CTPS1: variants seen among roughly 807,000 people sequenced by gnomAD.
The protein encoded by CTPS1 is CTP synthetase 1.
Under a neutral mutation model 80.5 loss-of-function variants are expected in CTPS1, and 25 were observed. The ratio of observed to expected loss-of-function variants is 0.31; its 90% CI spans 0.23 to 0.43. The LOEUF (loss-of-function observed/expected upper bound fraction) is 0.43. Among genes scored for constraint, CTPS1 ranks in the 20% least tolerant of loss-of-function variants. The pLI is 1.00. For missense variants in CTPS1, 442 were observed against 725.7 expected (o/e 0.61, Z 4.49); for synonymous variants, 267 against 252.5 (o/e 1.06, Z -0.54).
At chr1:40,997,053 A>C (rs1394366287) in intron 8 of CTPS1, 1 of 174,518 alleles carries the variant, frequency 5.7e-6, no homozygotes, top group Non-Finnish European at 1.2e-5. Context: ...TCTGAAAATT[A>C]CTTCCTCTTT....
intron 12 of CTPS1, among the ~76,000 whole-genome samples, chr1:41,004,663 C>T (rs1348094248): frequency 1.3e-5 from 2 of 152,088 alleles, no homozygotes; most frequent in Non-Finnish European, 2.9e-5. Flanking sequence ...TTTGGTTAGA[C>T]GGTAAGTTCA....
At chr1:40,999,647 T>C (rs993451705) in intron 9 of CTPS1, among the ~76,000 whole-genome samples, 1 of 152,192 alleles carries the variant, frequency 6.6e-6, no homozygotes, top group African/African-American at 2.4e-5. Flanking sequence ...TAGTTTCTTA[T>C]CAAGGTAGAG....
chr1:41,001,450 A>G (rs1360896692), intron 10 of CTPS1: 2 of 271,212 alleles, frequency 7.4e-6, no homozygotes, highest in Non-Finnish European at 1.4e-5. Flanking sequence ...ATAGTAAAAC[A>G]TTAGCAAGAA....
At chr1:41,004,745 G>A (rs1038363818) in intron 12 of CTPS1, among the ~76,000 whole-genome samples, 3 of 152,134 alleles carry the variant, frequency 2.0e-5, no homozygotes, top group Non-Finnish European at 4.4e-5. Flanking sequence ...AGTTGAGTAG[G>A]GCTTTGTATT....
chr1:41,000,930 A>G (rs932278804), intron 9 of CTPS1, 99 bp from the exon 10 acceptor site: 12 of 698,828 alleles, frequency 1.7e-5, no homozygotes, highest in Non-Finnish European at 1.6e-5. Flanking sequence ...CAGAATCAAG[A>G]AAGACAACTT....
At chr1:40,993,815 G>T (rs1642681442) in intron 7 of CTPS1, among the ~76,000 whole-genome samples, 1 of 91,600 alleles carries the variant, frequency 1.1e-5, no homozygotes, top group Admixed American at 1.8e-4. Context: ...GTCTTGATCT[G>T]TTGCTCAGAC....
chr1:41,003,509 A>G lies in CTPS1; in HGVS notation c.1252+333A>G, dbSNP rs141098657. The stretch of plus-strand genomic sequence containing the variant: ...CCTAAGTGAGGCTTGGGCAGTTATT[A>G]TGAGAACCTGGGCTCTGGAGCTATT... On this transcript the variant is annotated intron_variant, in intron 12 of 18. Coordinates refer to ENST00000650070, the MANE Select transcript of CTPS1 (RefSeq NM_001905.4). 2.0e-5 allele frequency among the ~76,000 whole-genome samples: 3 copies of G among 152,302 alleles called. No homozygotes were observed. The East Asian group carries it at 5.8e-4, about 29-fold the overall frequency.
In CTPS1 at chr1:40,991,824, C is replaced by T. The variant is rs1642618115; in HGVS notation, c.699C>T (p.Phe233=). Residue 233 remains phenylalanine, a synonymous_variant, in exon 7 of 19, where the codon TTC becomes TTT. Coordinates refer to ENST00000650070, the MANE Select transcript of CTPS1 (RefSeq NM_001905.4). ...CAGTGAAGGAGAAAATATCAATGTT[C>T]TGCCATGTTGAGCCTGAACAAGTGA... ...DTSVKEKISM[F]CHVEPEQVIC... The T allele has an allele frequency of 1.9e-6, 3 of 1,613,812 alleles. No homozygotes were observed. The highest frequency in any genetic ancestry group is 4.5e-5 in the East Asian group (2 of 44,888).
chr1:40,983,282 A>T lies in CTPS1; in HGVS notation c.-9A>T. On this transcript the variant is annotated 5_prime_UTR_variant, in exon 2 of 19. Transcript: ENST00000650070. Reference sequence around the variant, plus strand: ...TGTAATTTTTCCTTCTTCCAGGTCAAAGAGTAAAATGAAGTACATTCTGGT... The same window carrying T: ...TGTAATTTTTCCTTCTTCCAGGTCATAGAGTAAAATGAAGTACATTCTGGT... The T allele has an allele frequency of 6.2e-7, 1 of 1,610,522 alleles. No homozygotes were observed. The highest frequency in any genetic ancestry group is 8.5e-7 in the Non-Finnish European group (1 of 1,177,892).
intron 5 of CTPS1, among the ~76,000 whole-genome samples, chr1:40,989,922 G>C (rs1232889865): frequency 6.6e-6 from 1 of 152,144 alleles, no homozygotes; most frequent in Non-Finnish European, 1.5e-5. Flanking sequence ...CCAAGAGATA[G>C]AAAATAGGAG....
At chr1:40,990,141 G>A (rs1178693579) in intron 5 of CTPS1, among the ~76,000 whole-genome samples, 1 of 152,168 alleles carries the variant, frequency 6.6e-6, no homozygotes, top group Non-Finnish European at 1.5e-5. Context: ...TGCTGTCTGT[G>A]GCTGCTTTTG....
intron 9 of CTPS1, among the ~76,000 whole-genome samples, chr1:40,997,928 A>T (rs1392559926): frequency 6.6e-6 from 1 of 152,114 alleles, no homozygotes; most frequent in Non-Finnish European, 1.5e-5. Flanking sequence ...GCAGAGTGGG[A>T]ATGACAGTAT....
At chr1:40,990,253 C>T (rs1310283732) in intron 5 of CTPS1, among the ~76,000 whole-genome samples, 2 of 152,166 alleles carry the variant, frequency 1.3e-5, no homozygotes, top group African/African-American at 4.8e-5. Flanking sequence ...TTTCTGACCC[C>T]TTATCTGAAC....
rs116353491 is a variant in CTPS1 at position 41,011,718 on chromosome 1, C to T, written c.*70C>T. Reference sequence around the variant, plus strand: ...GAGTTTACAGCTCTGACTTTACACTCGGCTTTGGAGACTTTCTTTAAATTA... The same window carrying T: ...GAGTTTACAGCTCTGACTTTACACTTGGCTTTGGAGACTTTCTTTAAATTA... On this transcript the variant is annotated 3_prime_UTR_variant, in exon 19 of 19. Coordinates refer to ENST00000650070, the MANE Select transcript of CTPS1 (RefSeq NM_001905.4). The T allele has an allele frequency of 5.9e-5, 9 of 152,228 alleles. No homozygotes were observed. The highest frequency in any genetic ancestry group is 4.1e-4 in the South Asian group (2 of 4,824). The allele number at this position is 152,228 out of a possible 1,614,324, so 9.4% of individuals were successfully genotyped here.
intron 3 of CTPS1, among the ~76,000 whole-genome samples, chr1:40,986,743 G>T (rs910781530): frequency 2.0e-5 from 3 of 152,164 alleles, no homozygotes; most frequent in African/African-American, 7.2e-5. Context: ...GACATGGCAG[G>T]CACTTTACCG....
rs1236096123 is a variant in CTPS1, at chr1:41,010,221, G to T, written c.1752G>T (p.Lys584Asn). 1 of 1,613,784 alleles carries T rather than the reference G, an allele frequency of 6.2e-7. No homozygotes were observed. The highest frequency in any genetic ancestry group is 1.1e-5 in the South Asian group (1 of 91,082). ...CTGACTCTGAAATCACCGAACTGAA[G>T]TTTCCATCAATAAATCATGACTGAT... Reference protein sequence around the residue: ...SSPDSEITELKFPSINHD With the variant: ...SSPDSEITELNFPSINHD Residue 584 changes from lysine to asparagine, a missense_variant, in exon 18 of 19, where the codon AAG (lysine) becomes AAT (asparagine). Lys to Asn is a moderately conservative substitution (Grantham distance 94, BLOSUM62 0). This residue lies in a region of CTPS1 where 321 missense variants were observed against 467.2 expected (regional missense o/e 0.69). Coordinates refer to ENST00000650070, the MANE Select transcript of CTPS1 (RefSeq NM_001905.4).
At chr1:40,997,153 G>A (rs1642774088) in intron 8 of CTPS1, 1 of 414,682 alleles carries the variant, frequency 2.4e-6, no homozygotes, top group Non-Finnish European at 4.3e-6. Context: ...GGTTTTTTGA[G>A]GCAGGGTCTC....
At chr1:40,983,701 C>T (rs1195934451) in intron 2 of CTPS1, among the ~76,000 whole-genome samples, 7 of 151,046 alleles carry the variant, frequency 4.6e-5, no homozygotes, top group Non-Finnish European at 7.4e-5. Flanking sequence ...TGGCTCGCTG[C>T]AGCTTCCACC....
chr1:41,006,362 C>G (rs1319054105), intron 13 of CTPS1, among the ~76,000 whole-genome samples: 1 of 152,182 alleles, frequency 6.6e-6, no homozygotes, highest in African/African-American at 2.4e-5. Flanking sequence ...AATTCTTCTC[C>G]ATCCCTACTC....
Sources: allele counts gnomAD v4.1 joint callset (sites outside exome capture counted in the v4.1 genomes callset), GRCh38; gene constraint gnomAD v4.1.1; regional missense constraint gnomAD v4.1.1; transcripts MANE v1.5; gene names NCBI Gene and HGNC (gene_info 2026-07-23, HGNC 2026-07-21).